Variants in CLSTN3 observed in about 807,000 individuals in gnomAD.
CLSTN3 encodes the protein calsyntenin-3.
CLSTN3 carries 36 observed loss-of-function variants against 95.9 expected under a neutral mutation model. That is an observed-to-expected ratio of 0.38 (90% confidence interval 0.29 to 0.50). The LOEUF is 0.50. CLSTN3 is among the 20% of genes least tolerant of loss of function. The pLI is 0.95. For missense variants in CLSTN3, 1,084 were observed against 1,268.8 expected, an observed-to-expected ratio of 0.85 and a Z score of 2.21; for synonymous variants, 481 against 504.0, an observed-to-expected ratio of 0.95 and a Z score of 0.61.
At position 7,135,907 on chromosome 12, in the gene CLSTN3, T is replaced by C; in HGVS notation, c.696T>C (p.Ala232=). ...GGAAGAAGCGGGCAGCAGATGATGC[T>C]GAGGTGGAGATTCAGGTGAAGCCCA... ...DCGKKRAADD[A]EVEIQVKPTC... Residue 232 remains alanine, a synonymous_variant, in exon 5 of 18, where the codon GCT becomes GCC. Transcript: ENST00000266546. The C allele has an allele frequency of 6.2e-7, 1 of 1,613,942 alleles. No homozygotes were observed. The highest frequency in any genetic ancestry group is 8.5e-7 in the Non-Finnish European group (1 of 1,179,878).
Position 7,143,280 on chromosome 12 carries a change from G to A in CLSTN3, c.1816G>A (p.Val606Ile), listed in dbSNP as rs768964080. 13 of 1,611,720 alleles carry A rather than the reference G, an allele frequency of 8.1e-6. No individual in the cohort carries two copies. Among genetic ancestry groups the A allele is most frequent in the South Asian group, 3.3e-5 (3 of 91,094 alleles). The change falls in exon 12 of 18, where the codon GTC becomes ATC. Residue 606 changes from valine (V) to isoleucine (I), a missense_variant. By Grantham distance (29) the Val-to-Ile change is conservative. Coordinates refer to ENST00000266546, the MANE Select transcript of CLSTN3 (RefSeq NM_014718.4). ...CACTCTGCGCTTTGCCACGCCCGGC[G>A]TCAGGCCCCTGCGCCTCACCACTGC... ...MNTLRFATPG[V>I]RPLRLTTAVK...
At position 7,130,668 on chromosome 12, in the gene CLSTN3, C is replaced by A; in HGVS notation, c.20C>A (p.Pro7His). Residue 7 changes from proline to histidine, a missense_variant, in exon 1 of 18, where the codon CCC (proline) becomes CAC (histidine). Pro to His is a moderately conservative substitution (Grantham distance 77). Coordinates refer to ENST00000266546, the MANE Select transcript of CLSTN3 (RefSeq NM_014718.4). MTLLLL[P>H]LLLASLLASC... ...CGCACCATGACCCTCCTGCTGCTGC[C>A]CCTTCTGCTGGCCTCTCTGCTCGCG... 6.4e-7 allele frequency: 1 copy of A among 1,573,604 alleles called. No individual in the cohort carries two copies. The highest frequency in any genetic ancestry group is 1.8e-5 in the Admixed American group (1 of 54,184).
chr12:7,154,970 G>T lies in CLSTN3; in HGVS notation c.2528-2519G>T, dbSNP rs149538607. Among the ~76,000 whole-genome samples the T allele has an allele frequency of 1.9e-3, 282 of 152,296 alleles. 1 individual carries two copies. Among genetic ancestry groups the T allele is most frequent in the African/African-American group, 6.3e-3 (261 of 41,560 alleles). ...AAAGCTAAAGCAAAAGGAAACCTGA[G>T]CAGTTCTGAGAGCCGTGATAGGAGC... On this transcript the variant is annotated intron_variant, in intron 16 of 17. Transcript: ENST00000266546.
At chr12:7,145,848 T>C (rs906848012) in intron 12 of CLSTN3, among the ~76,000 whole-genome samples, 18 of 152,154 alleles carry the variant, frequency 1.2e-4, no homozygotes, top group Non-Finnish European at 2.6e-4. Context: ...CTCTGAGTCA[T>C]CTTTGATTCT....
At chr12:7,143,449 A>G in intron 12 of CLSTN3, 138 bp downstream of exon 12, 2 of 908,136 alleles carry the variant, frequency 2.2e-6, no homozygotes, top group Non-Finnish European at 3.3e-6. Context: ...AAATGGAGAC[A>G]ATTGACCACT....
rs764104955 is a variant in CLSTN3 at position 7,141,234 on chromosome 12, T to C, written c.1324-8T>C. 1 of 1,612,768 alleles carries C rather than the reference T, an allele frequency of 6.2e-7. No individual in the cohort carries two copies. The highest frequency in any genetic ancestry group is 8.5e-7 in the Non-Finnish European group (1 of 1,179,288). On this transcript the variant is annotated splice_region_variant and splice_polypyrimidine_tract_variant and intron_variant, in intron 8 of 17. Transcript: ENST00000266546. This position sits in a 1 kb window ranked among gnomAD's most constrained non-coding sequence, Gnocchi z 4.1. ...TGAGAGGCTCTTGCCCCTACCCTACTCTCCCAGGTCTGTGATGATGAGTGG... is the reference window on the plus strand; with the variant it reads ...TGAGAGGCTCTTGCCCCTACCCTACCCTCCCAGGTCTGTGATGATGAGTGG...
intron 12 of CLSTN3, among the ~76,000 whole-genome samples, chr12:7,147,187 A>G (rs1455289587): frequency 6.6e-6 from 1 of 151,706 alleles, no homozygotes; most frequent in Non-Finnish European, 1.5e-5. Flanking sequence ...TTACAGATAC[A>G]TTTCCCTGGT....
intron 10 of CLSTN3, 84 bp from the exon 11 acceptor site, chr12:7,142,785 C>G: frequency 9.6e-7 from 1 of 1,040,806 alleles, no homozygotes; most frequent in Non-Finnish European, 1.4e-6. Flanking sequence ...TGCTCTTTCT[C>G]TCCTTTCCCT....
Position 7,142,983 on chromosome 12 carries a change from G to T in CLSTN3, c.1655G>T (p.Gly552Val). The change falls in exon 11 of 18, where the codon GGG becomes GTG. Residue 552 changes from glycine to valine, a missense_variant. By Grantham distance (109) the Gly-to-Val change is moderately radical. Transcript: ENST00000266546. ...VIECLYACRE[G>V]LDYRDFESLG... ...GAGTGCCTCTATGCATGTCGGGAGG[G>T]GCTGGACTATAGGGATTTCGAGAGC... 6.2e-7 allele frequency: 1 copy of T among 1,614,106 alleles called. No homozygotes were observed. Among genetic ancestry groups the T allele is most frequent in the Middle Eastern group, 1.7e-4 (1 of 6,060 alleles).
chr12:7,132,856 A>T, intron 1 of CLSTN3, 168 bp from the exon 2 acceptor site: 1 of 802,152 alleles, frequency 1.2e-6, no homozygotes, highest in Non-Finnish European at 2.1e-6. Flanking sequence ...TGACTCCTTT[A>T]GTAGCTGATT....
At chr12:7,156,984 T>C in intron 16 of CLSTN3, 1 of 365,600 alleles carries the variant, frequency 2.7e-6, no homozygotes, top group South Asian at 2.0e-5. Flanking sequence ...CAGCCTCAGG[T>C]GCTAGTGCCC....
intron 12 of CLSTN3, among the ~76,000 whole-genome samples, chr12:7,145,732 A>G (rs1429949446): frequency 6.6e-6 from 1 of 152,066 alleles, no homozygotes; most frequent in Non-Finnish European, 1.5e-5. Flanking sequence ...ACCTCAACCG[A>G]AAGAGCTAAT....
chr12:7,156,464 G>A (rs954859350), intron 16 of CLSTN3: 6 of 456,836 alleles, frequency 1.3e-5, no homozygotes, highest in African/African-American at 1.2e-4. Context: ...CCAGCTGGTG[G>A]GGAGCTGGGT....
At position 7,137,630 on chromosome 12, in the gene CLSTN3, C is replaced by T. The variant is rs1308461367; in HGVS notation, c.1211-325C>T. Among the ~76,000 whole-genome samples the T allele has an allele frequency of 6.6e-6, 1 of 152,118 alleles. No individual in the cohort carries two copies. Among genetic ancestry groups the T allele is most frequent in the Non-Finnish European group, 1.5e-5 (1 of 68,026 alleles). On this transcript the variant is annotated intron_variant, in intron 7 of 17. Coordinates refer to ENST00000266546, the MANE Select transcript of CLSTN3 (RefSeq NM_014718.4). The surrounding 1 kb of genome is among the most constrained non-coding windows in gnomAD (Gnocchi z 4.4). ...TGACAACTCTTTTGAAAAGGGTTGT[C>T]ACCCATGATGTATGTATTAACCAAA...
chr12:7,155,502 T>G (rs1939799604), intron 16 of CLSTN3, among the ~76,000 whole-genome samples: 1 of 152,202 alleles, frequency 6.6e-6, no homozygotes, highest in Admixed American at 6.5e-5. Flanking sequence ...TGGCCTCCAC[T>G]CTGAGGGTGG....
chr12:7,139,167 A>T (rs1368459194), intron 8 of CLSTN3, among the ~76,000 whole-genome samples: 1 of 152,236 alleles, frequency 6.6e-6, no homozygotes, highest in Non-Finnish European at 1.5e-5. Context: ...TGGGGAGATA[A>T]AGTTTTAAAA....
Position 7,141,980 on chromosome 12 carries a change from A to T in CLSTN3, c.1487-106A>T. 2 of 852,574 alleles carry T rather than the reference A, an allele frequency of 2.3e-6. No individual in the cohort carries two copies. Among genetic ancestry groups the T allele is most frequent in the Admixed American group, 2.5e-5 (1 of 39,360 alleles). The allele number at this position is 852,574 out of a possible 1,614,324, so 52.8% of individuals were successfully genotyped here. A position where few individuals can be genotyped will look rare whatever the true frequency, so the allele number is the denominator to read the frequency against. ...GGCAGGGTCAGAATCCCATGTGGGC[A>T]TGAGAGCACTCATGGGGATGAGAGG... On this transcript the variant is annotated intron_variant, in intron 9 of 17. Coordinates refer to ENST00000266546, the MANE Select transcript of CLSTN3 (RefSeq NM_014718.4). The surrounding 1 kb of genome is among the most constrained non-coding windows in gnomAD (Gnocchi z 4.1).
At position 7,133,320 on chromosome 12, in the gene CLSTN3, G is replaced by A. The variant is rs1939341620; in HGVS notation, c.187+174G>A. On this transcript the variant is annotated intron_variant, in intron 2 of 17. Transcript: ENST00000266546. The surrounding 1 kb of genome is among the most constrained non-coding windows in gnomAD (Gnocchi z 4.7). ...GAAGAATGGAGATTGAGTCAAGGAT[G>A]CCAGAAAAGGACATGGCCAGGCAAG... Among the ~76,000 whole-genome samples, 1 of 152,186 alleles carries A rather than the reference G, an allele frequency of 6.6e-6. No individual in the cohort carries two copies. The highest frequency in any genetic ancestry group is 1.5e-5 in the Non-Finnish European group (1 of 68,036).
rs1939677694 is a variant in CLSTN3, at chr12:7,149,142, C to T, written c.2018C>T (p.Thr673Ile). ...CCTTTGTTCCCTGATCTTCAAATCACCTGCTCCATTTCTCACCAGGTGGAG... is the reference window on the plus strand; with the variant it reads ...CCTTTGTTCCCTGATCTTCAAATCATCTGCTCCATTTCTCACCAGGTGGAG... ...GVPLFPDLQI[T>I]CSISHQVEAK... The change falls in exon 13 of 18, where the codon ACC becomes ATC. Residue 673 changes from threonine (T) to isoleucine (I), a missense_variant. Thr to Ile is a moderately conservative substitution (Grantham distance 89). Transcript: ENST00000266546. This position sits in a 1 kb window ranked among gnomAD's most constrained non-coding sequence, Gnocchi z 4.5. The T allele has an allele frequency of 6.2e-7, 1 of 1,614,184 alleles. No homozygotes were observed.
Sources: allele counts gnomAD v4.1 joint callset (sites outside exome capture counted in the v4.1 genomes callset), GRCh38; gene constraint gnomAD v4.1.1; non-coding constraint Gnocchi (gnomAD v3.1); transcripts MANE v1.5; gene names NCBI Gene and HGNC (gene_info 2026-07-23, HGNC 2026-07-21).